ECT2: variants seen among roughly 807,000 people sequenced by gnomAD.
The protein encoded by ECT2 is protein ECT2.
In ECT2, 61 loss-of-function variants were observed where a neutral mutation model predicts 116.9. The observed-to-expected ratio is 0.52, with a 90% CI of 0.42 to 0.65. The LOEUF (loss-of-function observed/expected upper bound fraction) is 0.65, where lower values mean the gene tolerates loss of function less well. Ranked by LOEUF, ECT2 falls within the 30% of genes least tolerant of loss-of-function variation. The pLI, the probability that ECT2 is intolerant of heterozygous loss-of-function variation, is 0.00. For missense variants in ECT2, 937 were observed against 1,078.7 expected, an observed-to-expected ratio of 0.87 and a Z score of 1.84; for synonymous variants, 358 against 346.4, an observed-to-expected ratio of 1.03 and a Z score of -0.37.
chr3:172,801,865 C>G (rs534197891), intron 18 of ECT2, among the ~76,000 whole-genome samples: 1 of 152,268 alleles, frequency 6.6e-6, no homozygotes, highest in East Asian at 1.9e-4. Flanking sequence ...CCCTGTTATT[C>G]AGTCTTGTCT....
the ECT2 span, chr3:172,828,714 G>C: frequency 5.1e-5 from 25 of 487,042 alleles, no homozygotes; most frequent in Admixed American, 2.5e-4. Flanking sequence ...GGACGGACAG[G>C]TGGCCCCCAT....
chr3:172,783,579 C>A lies in ECT2; in HGVS notation c.1618-220C>A, dbSNP rs6793533. On this transcript the variant is annotated intron_variant, in intron 15 of 24. Transcript: ENST00000392692. Reference sequence around the variant, plus strand: ...TCTTTTGTTTTTTTTCTGAGTCTTCCTGTTTTAGACTATGTATACCAATTG... The same window carrying A: ...TCTTTTGTTTTTTTTCTGAGTCTTCATGTTTTAGACTATGTATACCAATTG... Among the ~76,000 whole-genome samples the A allele has an allele frequency of 0.062, 9,354 of 151,966 alleles. 975 individuals are homozygous for A. The highest frequency in any genetic ancestry group is 0.21 in the African/African-American group (8,890 of 41,460).
the ECT2 span, chr3:172,828,640 T>G: frequency 9.9e-6 from 2 of 201,960 alleles, no homozygotes; most frequent in Middle Eastern, 1.9e-3. Flanking sequence ...TTTAGAAACG[T>G]TGTGTTTAAT....
chr3:172,817,866 T>C (rs1016344730), intron 24 of ECT2, among the ~76,000 whole-genome samples: 9 of 152,110 alleles, frequency 5.9e-5, no homozygotes, highest in African/African-American at 2.2e-4. Context: ...TGGGTGGTGA[T>C]TAAGAGCATG....
intron 14 of ECT2, among the ~76,000 whole-genome samples, chr3:172,780,934 C>G (rs953144764): frequency 2.0e-5 from 3 of 152,032 alleles, no homozygotes; most frequent in Non-Finnish European, 4.4e-5. Flanking sequence ...ATTCTAGATA[C>G]AAGTTTTCTT....
rs768915466 is a variant in ECT2 at position 172,802,962 on chromosome 3, C to T, written c.2088C>T (p.Leu696=). The T allele has an allele frequency of 1.1e-5, 18 of 1,611,460 alleles. No individual in the cohort carries two copies. The Admixed American group carries it at 2.9e-4, about 26-fold the overall frequency. Residue 696 remains leucine, a synonymous_variant, in exon 20 of 25, where the codon CTC becomes CTT. Coordinates refer to ENST00000392692, the MANE Select transcript of ECT2 (RefSeq NM_001258315.2). ...CDRGEQVTLF[L]FNDCLEIARK... ...GAGGAGAACAAGTAACTCTCTTCCT[C>T]TTCAATGATTGCCTAGAGGTAAAGA...
At chr3:172,769,899 A>G (rs972547618) in intron 13 of ECT2, among the ~76,000 whole-genome samples, 2 of 152,224 alleles carry the variant, frequency 1.3e-5, no homozygotes. Flanking sequence ...TTATCTTTCA[A>G]TAGAAAACAA....
intron 14 of ECT2, among the ~76,000 whole-genome samples, chr3:172,776,198 C>CTTTTTCTTTTTTTTTT: frequency 9.0e-6 from 1 of 111,600 alleles, no homozygotes; most frequent in Non-Finnish European, 1.8e-5. Flanking sequence ...TCAGTTTTTT[C>CTTTTTCTTTTTTTTTT]TTTTTTTTTT....
Position 172,783,866 on chromosome 3 carries a change from T to C in ECT2, c.1685T>C (p.Ile562Thr). 6.2e-7 allele frequency: 1 copy of C among 1,606,714 alleles called. No homozygotes were observed. Among genetic ancestry groups the C allele is most frequent in the Non-Finnish European group, 8.5e-7 (1 of 1,176,884 alleles). ...NFFEMSKETI[I>T]KCEKQKPRFH... ...TTTGAAATGAGCAAGGAAACAATTA[T>C]TAAATGTGAAAAACAGAAACCAAGA... Residue 562 changes from isoleucine to threonine, a missense_variant, in exon 16 of 25, where the codon ATT becomes ACT. Coordinates refer to ENST00000392692, the MANE Select transcript of ECT2 (RefSeq NM_001258315.2).
At chr3:172,816,628 T>A in intron 23 of ECT2, 63 bp from the exon 24 acceptor site, 1 of 1,439,864 alleles carries the variant, frequency 6.9e-7, no homozygotes. Flanking sequence ...TTTTTATGTT[T>A]AAATATTCTC....
At chr3:172,825,470 A>C (rs966349256), downstream of ECT2, among the ~76,000 whole-genome samples, 41 of 152,344 alleles carry the variant, frequency 2.7e-4, 1 homozygote, top group South Asian at 2.1e-3. Flanking sequence ...TTGTGAATGC[A>C]AAAAGAGTTA....
chr3:172,813,456 G>A (rs1321370045), intron 22 of ECT2, among the ~76,000 whole-genome samples: 2 of 151,852 alleles, frequency 1.3e-5, no homozygotes, highest in African/African-American at 4.8e-5. Context: ...TTTCCATCAG[G>A]AACTTTTCAT....
chr3:172,799,952 TG>T (rs1488661818), intron 18 of ECT2, among the ~76,000 whole-genome samples: 1 of 152,236 alleles, frequency 6.6e-6, no homozygotes, highest in African/African-American at 2.4e-5. Flanking sequence ...TTTTCCTTTC[TG>T]TCCTCTTTGT....
At chr3:172,772,850 C>T (rs182143742) in intron 13 of ECT2, among the ~76,000 whole-genome samples, 4 of 152,146 alleles carry the variant, frequency 2.6e-5, no homozygotes, top group East Asian at 1.9e-4. Context: ...ATTGTAATAC[C>T]GTTTGTTGAA....
rs762544820 is a variant in ECT2, at chr3:172,762,505, A to T, written c.848A>T (p.Asp283Val). The change falls in exon 9 of 25, where the codon GAT (aspartate) becomes GTT (valine). Residue 283 changes from aspartate to valine, a missense_variant. By Grantham distance (152) the Asp-to-Val change is radical. Coordinates refer to ENST00000392692, the MANE Select transcript of ECT2 (RefSeq NM_001258315.2). Reference sequence around the variant, plus strand: ...ATTTTAAGTTTCCTGGGATTTTCAGATGAAGAGAAAACCAATATGGAAGAA... The same window carrying T: ...ATTTTAAGTTTCCTGGGATTTTCAGTTGAAGAGAAAACCAATATGGAAGAA... ...DCILSFLGFS[D>V]EEKTNMEEMT... 1.3e-6 allele frequency: 2 copies of T among 1,597,016 alleles called. No individual in the cohort carries two copies. The highest frequency in any genetic ancestry group is 2.7e-5 in the African/African-American group (2 of 73,538).
chr3:172,828,837 G>T, the ECT2 span: 1 of 898,396 alleles, frequency 1.1e-6, no homozygotes, highest in Non-Finnish European at 1.8e-6. Flanking sequence ...TACTGCCTGA[G>T]AGATGAGTGC....
intron 5 of ECT2, among the ~76,000 whole-genome samples, chr3:172,757,586 G>T (rs1414215797): frequency 6.6e-6 from 1 of 151,620 alleles, no homozygotes; most frequent in East Asian, 1.9e-4. Flanking sequence ...CAGCTACTTT[G>T]TTGTATTTTT....
chr3:172,784,833 C>T, intron 17 of ECT2, 30 bp downstream of exon 17: 1 of 1,279,974 alleles, frequency 7.8e-7, no homozygotes. Context: ...CAAACTACAT[C>T]AGATATTTTA....
rs1429564397 is a variant in ECT2 at position 172,784,566 on chromosome 3, G to A, written c.1729-141G>A. 9 of 613,378 alleles carry A rather than the reference G, an allele frequency of 1.5e-5. No homozygotes were observed. In the East Asian group the frequency reaches 2.5e-4, roughly 17 times the overall value. The allele number at this position is 613,378 out of a possible 1,614,324, so 38.0% of individuals were successfully genotyped here. ...AGGCCCTGAAAAATTATTCAGCCAA[G>A]TAATCAGCCACGGAGAAATTCCACT... On this transcript the variant is annotated intron_variant, in intron 16 of 24. Transcript: ENST00000392692.
Sources: gnomAD v4.1 joint callset for allele counts (sites outside exome capture counted in the v4.1 genomes callset) on GRCh38, gnomAD v4.1.1 for gene constraint, MANE v1.5 for transcripts, NCBI Gene and HGNC (gene_info 2026-07-23, HGNC 2026-07-21) for gene names.